Variants in HSPG2 observed in about 807,000 individuals in gnomAD.
HSPG2 encodes the protein heparan sulfate proteoglycan 2.
HSPG2 carries 278 observed loss-of-function variants against 526.6 expected under a neutral mutation model. That is an observed-to-expected ratio of 0.53 (90% confidence interval 0.48 to 0.58). The LOEUF is 0.58. Among genes scored for constraint, HSPG2 ranks in the 20% least tolerant of loss-of-function variants. The probability of loss-of-function intolerance (pLI) is 0.00; values close to 1 mark genes in which losing one functional copy is unlikely to be tolerated. For missense variants in HSPG2, 5,354 were observed against 6,099.5 expected, an observed-to-expected ratio of 0.88 and a Z score of 4.07; for synonymous variants, 2,465 against 2,555.4, an observed-to-expected ratio of 0.96 and a Z score of 1.07.
At chr1:21,933,711 C>A (rs1400281942) in intron 1 of HSPG2, among the ~76,000 whole-genome samples, 2 of 152,268 alleles carry the variant, frequency 1.3e-5, no homozygotes, top group Admixed American at 1.3e-4. Context: ...TCCATCTCTG[C>A]CCCTTCCAGC....
At position 21,847,827 on chromosome 1, in the gene HSPG2, G is replaced by A; in HGVS notation, c.7887C>T (p.Ser2629=). ...AAGACGACTCGATCCTGATCGGTGG[G>A]GAGACGCTGGGCACTGGGGACAGAC... ...GSGSSHVPSV[S]PPIRIESSSP... Residue 2629 remains serine (S), a synonymous_variant, in exon 61 of 97, where the codon TCC becomes TCT. Transcript: ENST00000374695. This position sits in a 1 kb window ranked among gnomAD's most constrained non-coding sequence, Gnocchi z 4.1. 1 of 1,613,868 alleles carries A rather than the reference G, an allele frequency of 6.2e-7. No homozygotes were observed. Among genetic ancestry groups the A allele is most frequent in the Non-Finnish European group, 8.5e-7 (1 of 1,179,988 alleles).
chr1:21,834,561 A>G (rs543561040), intron 77 of HSPG2, 118 bp downstream of exon 77: 73 of 1,265,932 alleles, frequency 5.8e-5, no homozygotes, highest in Admixed American at 3.5e-4. Flanking sequence ...AACACACACA[A>G]TGGAAAATGT....
In HSPG2 at chr1:21,831,933, G is replaced by A. The variant is rs886452899; in HGVS notation, c.11208-137C>T. Reference sequence around the variant, plus strand: ...CAGTCCCAGCCCTGGGGCTGTTCCCGTTCCTGTCCCTGTCTTGTCGTCCCT... The same window carrying A: ...CAGTCCCAGCCCTGGGGCTGTTCCCATTCCTGTCCCTGTCTTGTCGTCCCT... On this transcript the variant is annotated intron_variant, in intron 81 of 96. Transcript: ENST00000374695. 2.2e-5 allele frequency: 20 copies of A among 910,960 alleles called. No individual in the cohort carries two copies. The African/African-American group carries it at 2.5e-4, about 11-fold the overall frequency. 56.4% of individuals were successfully genotyped at this position (910,960 alleles called of 1,614,324 possible).
At chr1:21,833,695 C>T in intron 78 of HSPG2, 81 bp from the exon 79 acceptor site, 1 of 1,594,016 alleles carries the variant, frequency 6.3e-7, no homozygotes, top group Non-Finnish European at 8.6e-7. Context: ...CTCAGGCCCA[C>T]CTTCCAACAT....
chr1:21,931,984 GGATAAATTCAACT>G (rs1644362372), intron 1 of HSPG2, among the ~76,000 whole-genome samples: 1 of 152,158 alleles, frequency 6.6e-6, no homozygotes, highest in South Asian at 2.1e-4. Flanking sequence ...AAAAGTCCCT[GGATAAATTCAACT>G]GCCTGTAGAG....
At chr1:21,886,171 T>A (rs1373531386) in intron 9 of HSPG2, among the ~76,000 whole-genome samples, 1 of 152,236 alleles carries the variant, frequency 6.6e-6, no homozygotes, top group African/African-American at 2.4e-5. Context: ...ACGAGGCCAT[T>A]CAGCTTTCAT....
chr1:21,926,774 AAAAAAAAAAAAAAAG>A, intron 1 of HSPG2, among the ~76,000 whole-genome samples: 1 of 145,936 alleles, frequency 6.9e-6, no homozygotes, highest in Non-Finnish European at 1.5e-5. Context: ...AAAAAAAAAA[AAAAAAAAAAAAAAAG>A]AGAGAAAGAA....
rs531953775 is a variant in HSPG2 at position 21,904,194 on chromosome 1, G to C, written c.64-7884C>G. Among the ~76,000 whole-genome samples the C allele has an allele frequency of 6.6e-6, 1 of 152,322 alleles. No individual in the cohort carries two copies. Among genetic ancestry groups the C allele is most frequent in the African/African-American group, 2.4e-5 (1 of 41,576 alleles). ...AGGAAGGGGGCCGGCAGAGCCCAGG[G>C]GAGGGTCCCCTCACTTAGGGAGGTG... On this transcript the variant is annotated intron_variant, in intron 1 of 96. Coordinates refer to ENST00000374695, the MANE Select transcript of HSPG2 (RefSeq NM_005529.7). This position sits in a 1 kb window ranked among gnomAD's most constrained non-coding sequence, Gnocchi z 4.4.
At chr1:21,927,210 G>A (rs1209347565) in intron 1 of HSPG2, among the ~76,000 whole-genome samples, 1 of 151,732 alleles carries the variant, frequency 6.6e-6, no homozygotes, top group Non-Finnish European at 1.5e-5. Context: ...TGGGATGGGA[G>A]AAAGATGGGG....
rs766513429 is a variant in HSPG2 at position 21,846,190 on chromosome 1, C to T, written c.8382G>A (p.Arg2794=). 1.2e-6 allele frequency: 2 copies of T among 1,613,108 alleles called. No homozygotes were observed. Among genetic ancestry groups the T allele is most frequent in the Non-Finnish European group, 1.7e-6 (2 of 1,180,004 alleles). The part of the protein sequence containing the change: ...SPADSGEYVC[R]VMGSSGPLEA... Reference sequence around the variant, plus strand: ...CCAGGGGGCCAGAGCTGCCCATCACCCGGCACACGTATTCACCCGAGTCGG... The same window carrying T: ...CCAGGGGGCCAGAGCTGCCCATCACTCGGCACACGTATTCACCCGAGTCGG... Residue 2794 remains arginine (R), a synonymous_variant, in exon 64 of 97, where the codon CGG becomes CGA. Transcript: ENST00000374695.
At chr1:21,866,157 TG>T (rs1292163056) in intron 33 of HSPG2, among the ~76,000 whole-genome samples, 1 of 152,136 alleles carries the variant, frequency 6.6e-6, no homozygotes, top group African/African-American at 2.4e-5. Flanking sequence ...ATGACCACCA[TG>T]GGGAGGCTGC....
chr1:21,846,453 G>A lies in HSPG2; in HGVS notation c.8311C>T (p.His2771Tyr). ...HKRGGSLPSH[H>Y]QTRGSRLRLH... ...ATTTCCTGCCAGCTGCATACCTGAT[G>A]GTGACTGGGGAGGCTGCCCCCACGC... Residue 2771 changes from histidine to tyrosine, a missense_variant, in exon 63 of 97, where the codon CAT (histidine) becomes TAT (tyrosine). Coordinates refer to ENST00000374695, the MANE Select transcript of HSPG2 (RefSeq NM_005529.7). 6.2e-7 allele frequency: 1 copy of A among 1,613,508 alleles called. No homozygotes were observed. The highest frequency in any genetic ancestry group is 1.1e-5 in the South Asian group (1 of 91,082).
At chr1:21,835,001 A>T in intron 76 of HSPG2, 56 bp from the exon 77 acceptor site, 1 of 1,595,424 alleles carries the variant, frequency 6.3e-7, no homozygotes, top group Non-Finnish European at 8.5e-7. Context: ...GCCTGGCCCG[A>T]GGGAGGCCAT....
Position 21,887,246 on chromosome 1 carries a change from G to A in HSPG2, c.1047C>T (p.Asp349=). The A allele has an allele frequency of 6.2e-7, 1 of 1,613,798 alleles. No individual in the cohort carries two copies. Among genetic ancestry groups the A allele is most frequent in the Non-Finnish European group, 8.5e-7 (1 of 1,179,892 alleles). ...TGGCTTCATCAGTTCGGTCCTCACA[G>A]TCAAAGTCACCATCGCAGCGCCACA... ...LKLWRCDGDF[D]CEDRTDEANC... The change falls in exon 9 of 97, where the codon GAC becomes GAT. Residue 349 remains aspartate, a synonymous_variant. Coordinates refer to ENST00000374695, the MANE Select transcript of HSPG2 (RefSeq NM_005529.7). This position sits in a 1 kb window ranked among gnomAD's most constrained non-coding sequence, Gnocchi z 5.0.
At chr1:21,884,436 G>A in intron 13 of HSPG2, 92 bp downstream of exon 13, 1 of 1,522,828 alleles carries the variant, frequency 6.6e-7, no homozygotes, top group Non-Finnish European at 9.1e-7. Context: ...CCGAAACCTG[G>A]CCCCCTCTGT....
chr1:21,835,848 G>A (rs181491851), intron 75 of HSPG2, among the ~76,000 whole-genome samples: 242 of 152,234 alleles, frequency 1.6e-3, no homozygotes, highest in Non-Finnish European at 3.0e-3. Flanking sequence ...GCCAGGCGTG[G>A]TGGCACACGC....
At chr1:21,863,060 C>CAAAAACAAAAAAAAAAAAAAAA (rs1423127350) in intron 37 of HSPG2, among the ~76,000 whole-genome samples, 7 of 31,232 alleles carry the variant, frequency 2.2e-4, no homozygotes, top group Non-Finnish European at 3.2e-4. Flanking sequence ...GACTCCATCT[C>CAAAAACAAAAAAAAAAAAAAAA]AAAAAAAAAA....
intron 1 of HSPG2, among the ~76,000 whole-genome samples, chr1:21,929,918 T>C (rs1038512742): frequency 2.6e-5 from 4 of 152,186 alleles, no homozygotes; most frequent in African/African-American, 7.2e-5. Flanking sequence ...CACGGCCTCC[T>C]TGCCTTTGCT....
intron 9 of HSPG2, among the ~76,000 whole-genome samples, chr1:21,886,699 G>T (rs1341312883): frequency 6.6e-6 from 1 of 152,172 alleles, no homozygotes; most frequent in African/African-American, 2.4e-5. Flanking sequence ...AGGGAAGAAG[G>T]ACGACAGATG....
Sources: gnomAD v4.1 joint callset for allele counts (sites outside exome capture counted in the v4.1 genomes callset) on GRCh38, gnomAD v4.1.1 for gene constraint, Gnocchi (gnomAD v3.1) non-coding constraint, MANE v1.5 for transcripts, NCBI Gene and HGNC (gene_info 2026-07-23, HGNC 2026-07-21) for gene names.